Variants in UHRF2 observed in about 807,000 individuals in gnomAD.
UHRF2 encodes ubiquitin like with PHD and ring finger domains 2, also known as E3 ubiquitin-protein ligase UHRF2.
A neutral mutation model predicts 96.8 loss-of-function variants in UHRF2; 23 were observed. That is an observed-to-expected ratio of 0.24 (90% confidence interval 0.17 to 0.34). UHRF2 has a LOEUF of 0.34. Ranked by LOEUF, UHRF2 falls within the 10% of genes least tolerant of loss-of-function variation. The probability of loss-of-function intolerance (pLI) is 1.00; values close to 1 mark genes in which losing one functional copy is unlikely to be tolerated. For synonymous variants in UHRF2, 385 were observed against 332.6 expected (o/e 1.16, Z -1.72); for missense variants, 685 against 981.5 (o/e 0.70, Z 4.04).
chr9:6,483,335 A>G (rs1824043948), intron 8 of UHRF2, among the ~76,000 whole-genome samples: 1 of 151,904 alleles, frequency 6.6e-6, no homozygotes, highest in African/African-American at 2.4e-5. Flanking sequence ...AAAAAAAAAA[A>G]AAAAAAAAAA....
chr9:6,438,344 G>C (rs1469205263), intron 3 of UHRF2, among the ~76,000 whole-genome samples: 1 of 152,174 alleles, frequency 6.6e-6, no homozygotes, highest in African/African-American at 2.4e-5. Context: ...TATGAAGTTA[G>C]TAATTGTATT....
At chr9:6,498,258 G>C in intron 12 of UHRF2, 100 bp downstream of exon 12, 2 of 1,291,228 alleles carry the variant, frequency 1.5e-6, no homozygotes, top group South Asian at 3.1e-5. Flanking sequence ...GCAATTGACT[G>C]GTGGACTATA....
Position 6,499,923 on chromosome 9 carries a change from T to C in UHRF2, c.1997T>C (p.Ile666Thr). The C allele has an allele frequency of 6.2e-7, 1 of 1,608,760 alleles. No individual in the cohort carries two copies. The highest frequency in any genetic ancestry group is 1.1e-5 in the South Asian group (1 of 90,754). Residue 666 changes from isoleucine (I) to threonine (T), a missense_variant, in exon 13 of 16, where the codon ATT (isoleucine) becomes ACT (threonine). Coordinates refer to ENST00000276893, the MANE Select transcript of UHRF2 (RefSeq NM_152896.3). ...KQPSGTTKRP[I>T]SDDDCPSASK... Reference sequence around the variant, plus strand: ...CCCAGTGGAACCACAAAAAGGCCAATTTCAGATGGTAGGTAATGATTGCAA... The same window carrying C: ...CCCAGTGGAACCACAAAAAGGCCAACTTCAGATGGTAGGTAATGATTGCAA...
intron 10 of UHRF2, chr9:6,496,837 A>T (rs905730489): frequency 3.0e-5 from 5 of 166,882 alleles, no homozygotes; most frequent in Non-Finnish European, 6.4e-5. Context: ...ATCACTATTG[A>T]AAAAATCATT....
chr9:6,504,063 T>A (rs1816451021), intron 14 of UHRF2, among the ~76,000 whole-genome samples: 1 of 143,156 alleles, frequency 7.0e-6, no homozygotes, highest in Non-Finnish European at 1.5e-5. Flanking sequence ...TCTCGCTCTG[T>A]CACCCAGGCT....
intron 4 of UHRF2, among the ~76,000 whole-genome samples, chr9:6,471,513 G>C (rs528282209): frequency 6.6e-6 from 1 of 152,198 alleles, no homozygotes; most frequent in East Asian, 1.9e-4. Context: ...AAAGATACCA[G>C]CTTCCATTTT....
chr9:6,449,025 T>C (rs2130812714), intron 3 of UHRF2, among the ~76,000 whole-genome samples: 1 of 152,324 alleles, frequency 6.6e-6, no homozygotes, highest in Admixed American at 6.5e-5. Context: ...TCTTTACCTT[T>C]ACCAGCACCT....
chr9:6,486,958 C>T (rs1329914677), intron 9 of UHRF2, 33 bp downstream of exon 9: 1 of 1,591,838 alleles, frequency 6.3e-7, no homozygotes, highest in Non-Finnish European at 8.6e-7. Flanking sequence ...TCATTAGTAC[C>T]TGCCTTGACC....
intron 4 of UHRF2, among the ~76,000 whole-genome samples, chr9:6,462,761 A>C (rs1822624074): frequency 6.6e-6 from 1 of 152,096 alleles, no homozygotes; most frequent in African/African-American, 2.4e-5. Context: ...TACTAAAAAT[A>C]CAAAAATTAG....
chr9:6,425,218 A>G (rs1339205389), intron 2 of UHRF2, among the ~76,000 whole-genome samples: 1 of 152,204 alleles, frequency 6.6e-6, no homozygotes, highest in Non-Finnish European at 1.5e-5. Flanking sequence ...TGGGAGGTGT[A>G]TTTATTCAGA....
At chr9:6,459,750 G>A (rs566885260) in intron 3 of UHRF2, among the ~76,000 whole-genome samples, 2 of 152,352 alleles carry the variant, frequency 1.3e-5, no homozygotes, top group Admixed American at 6.5e-5. Context: ...AAGGCAGGGG[G>A]TTGCTTGAGG....
At chr9:6,442,121 C>A (rs970316889) in intron 3 of UHRF2, among the ~76,000 whole-genome samples, 2 of 152,092 alleles carry the variant, frequency 1.3e-5, no homozygotes, top group African/African-American at 2.4e-5. Flanking sequence ...CCTGGCACCA[C>A]GTCTGGCTAG....
At chr9:6,461,380 C>T (rs1222870762) in intron 4 of UHRF2, among the ~76,000 whole-genome samples, 1 of 111,044 alleles carries the variant, frequency 9.0e-6, no homozygotes, top group Non-Finnish European at 1.8e-5. Context: ...CCCCCTCCTC[C>T]TTCTCTCCTC....
intron 3 of UHRF2, among the ~76,000 whole-genome samples, chr9:6,445,981 C>CTTTTTTTTTTT (rs57147850): frequency 1.3e-5 from 1 of 78,898 alleles, no homozygotes; most frequent in African/African-American, 5.3e-5. Context: ...CCCCGCCACC[C>CTTTTTTTTTTT]TTTTTTTTTT....
intron 9 of UHRF2, among the ~76,000 whole-genome samples, chr9:6,487,191 T>C (rs971367434): frequency 7.7e-6 from 1 of 129,084 alleles, no homozygotes; most frequent in Middle Eastern, 3.8e-3. Flanking sequence ...CCTTTTTTTT[T>C]TTTTTTTTTT....
chr9:6,484,021 A>G (rs963853960), intron 8 of UHRF2, among the ~76,000 whole-genome samples: 2 of 150,598 alleles, frequency 1.3e-5, no homozygotes, highest in Non-Finnish European at 3.0e-5. Flanking sequence ...AGAGGCAGCC[A>G]CTTTAAAATT....
At chr9:6,454,873 G>A (rs879585772) in intron 3 of UHRF2, among the ~76,000 whole-genome samples, 5 of 152,070 alleles carry the variant, frequency 3.3e-5, no homozygotes, top group Admixed American at 1.3e-4. Flanking sequence ...AGCATGCATC[G>A]GAATCACTGA....
chr9:6,431,045 C>A (rs1488706415), intron 2 of UHRF2, among the ~76,000 whole-genome samples: 1 of 152,074 alleles, frequency 6.6e-6, no homozygotes, highest in Non-Finnish European at 1.5e-5. Context: ...ACTTAGTTAC[C>A]ATGGCAGGAT....
At chr9:6,487,011 T>C in intron 9 of UHRF2, 86 bp downstream of exon 9, 1 of 1,246,112 alleles carries the variant, frequency 8.0e-7, no homozygotes, top group Non-Finnish European at 1.1e-6. Context: ...CATCAAATAC[T>C]GTTGTGTCTT....
Sources: gnomAD v4.1 joint callset for allele counts (sites outside exome capture counted in the v4.1 genomes callset) on GRCh38, gnomAD v4.1.1 for gene constraint, MANE v1.5 for transcripts, NCBI Gene and HGNC (gene_info 2026-07-23, HGNC 2026-07-21) for gene names.